The following IRAG2 variants were observed in gnomAD, a reference collection of about 807,000 sequenced individuals.
The protein encoded by IRAG2 is lymphoid restricted membrane protein.
IRAG2 carries 45 observed loss-of-function variants against 69.9 expected under a neutral mutation model. The ratio of observed to expected loss-of-function variants is 0.64; its 90% CI spans 0.51 to 0.83. The LOEUF (loss-of-function observed/expected upper bound fraction) is 0.83, where lower values mean the gene tolerates loss of function less well. Ranked by LOEUF, IRAG2 falls within the 40% of genes least tolerant of loss-of-function variation. IRAG2 has a pLI of 0.00. For missense variants in IRAG2, 520 were observed against 587.0 expected (o/e 0.89, Z 1.18); for synonymous variants, 193 against 202.4 (o/e 0.95, Z 0.40).
chr12:24,998,733 A>G, the IRAG2 span, among the ~76,000 whole-genome samples: 1 of 152,178 alleles, frequency 6.6e-6, no homozygotes, highest in Non-Finnish European at 1.5e-5. Context: ...TTAATTACCA[A>G]TAGGATCTCA....
chr12:25,015,541 G>C (rs1944520636), intron 5 of IRAG2: 1 of 572,092 alleles, frequency 1.7e-6, no homozygotes, highest in African/African-American at 1.9e-5. Context: ...TTTTGCAGTA[G>C]AGCTAGCATA....
chr12:25,082,035 C>T (rs921428247), intron 9 of IRAG2, among the ~76,000 whole-genome samples: 9 of 151,934 alleles, frequency 5.9e-5, no homozygotes, highest in South Asian at 2.1e-4. Context: ...GTTGGGACTA[C>T]GGGTGCAAGC....
At chr12:25,036,753 A>G (rs1008684577) in intron 15 of IRAG2, 13 of 397,774 alleles carry the variant, frequency 3.3e-5, no homozygotes, top group Admixed American at 8.8e-5. Flanking sequence ...GTAATAGTAT[A>G]TACAGTACCA....
chr12:25,062,589 C>G (rs73282874), intron 2 of IRAG2, among the ~76,000 whole-genome samples: 2,429 of 152,304 alleles, frequency 0.016, 61 homozygotes, highest in African/African-American at 0.053. Context: ...CAAAGCCATT[C>G]AGTTTCTTGT....
At chr12:25,000,209 G>T (rs913007058), upstream of IRAG2, among the ~76,000 whole-genome samples, 1 of 152,198 alleles carries the variant, frequency 6.6e-6, no homozygotes, top group African/African-American at 2.4e-5. Context: ...ACTTTGGGAG[G>T]CTGTGTTGGG....
Position 25,108,324 on chromosome 12 carries a change from T to C in IRAG2, c.*264T>C, listed in dbSNP as rs567144750. ...TAAAGTTTATTGAAATAAAGAATCA[T>C]TTAAATCTTCATAGAGTGAAAGCTG... On this transcript the variant is annotated 3_prime_UTR_variant, in exon 22 of 22. Transcript: ENST00000556887. 1.1e-5 allele frequency: 6 copies of C among 545,332 alleles called. No individual in the cohort carries two copies. The East Asian group carries it at 1.8e-4, about 16-fold the overall frequency. 33.8% of individuals were successfully genotyped at this position (545,332 alleles called of 1,614,324 possible).
intron 6 of IRAG2, among the ~76,000 whole-genome samples, chr12:25,077,209 G>GATAT (rs376784693): frequency 3.0e-5 from 1 of 33,722 alleles, no homozygotes; most frequent in African/African-American, 8.2e-5. Context: ...ATATATATAT[G>GATAT]ATATATATGA....
intron 9 of IRAG2, among the ~76,000 whole-genome samples, chr12:25,080,889 G>C (rs1052185684): frequency 2.0e-5 from 3 of 152,154 alleles, no homozygotes; most frequent in African/African-American, 7.2e-5. Context: ...TGTTGGTAAA[G>C]TTGTAAGAAC....
chr12:25,023,388 G>T (rs1259733666), intron 7 of IRAG2, among the ~76,000 whole-genome samples: 1 of 151,746 alleles, frequency 6.6e-6, no homozygotes, highest in Non-Finnish European at 1.5e-5. Flanking sequence ...CAAATAGCCT[G>T]TCCTGAAATA....
intron 15 of IRAG2, among the ~76,000 whole-genome samples, chr12:25,099,021 A>C (rs892841839): frequency 2.6e-5 from 4 of 152,220 alleles, no homozygotes; most frequent in East Asian, 3.9e-4. Flanking sequence ...GGCTTCCTGC[A>C]GTTCTACCCC....
intron 10 of IRAG2, among the ~76,000 whole-genome samples, chr12:25,030,509 C>A (rs963867475): frequency 7.2e-5 from 11 of 152,156 alleles, no homozygotes; most frequent in African/African-American, 2.7e-4. Flanking sequence ...GCCTCAGCCT[C>A]CTGAGTAGCT....
intron 13 of IRAG2, chr12:25,035,423 T>A: frequency 2.9e-6 from 1 of 350,554 alleles, no homozygotes; most frequent in Non-Finnish European, 5.1e-6. Context: ...CATGTAAATG[T>A]CATCTATTGA....
At chr12:25,056,076 A>T (rs1591955947) in intron 1 of IRAG2, among the ~76,000 whole-genome samples, 1 of 152,272 alleles carries the variant, frequency 6.6e-6, no homozygotes, top group East Asian at 1.9e-4. Context: ...TGAACTTCCT[A>T]GTTTAGAGGA....
intron 3 of IRAG2, chr12:25,011,585 T>A (rs1451560191): frequency 1.0e-5 from 12 of 1,184,530 alleles, no homozygotes; most frequent in Non-Finnish European, 1.3e-5. Flanking sequence ...CAGTTTAAGG[T>A]TCTATTTTAA....
Position 25,102,249 on chromosome 12 carries a change from C to T in IRAG2, c.933+8C>T, listed in dbSNP as rs369693876. The T allele has an allele frequency of 6.2e-6, 10 of 1,609,068 alleles. No homozygotes were observed. The highest frequency in any genetic ancestry group is 6.0e-6 in the Non-Finnish European group (7 of 1,176,426). ...GCTTCTCTAAACTCCAAGGTAATTA[C>T]TAATTCACTTAACAAATGTCTAGCA... On this transcript the variant is annotated splice_region_variant and intron_variant, in intron 17 of 21. Transcript: ENST00000556887.
chr12:25,009,540 A>C (rs562376727), intron 2 of IRAG2, among the ~76,000 whole-genome samples: 30 of 152,314 alleles, frequency 2.0e-4, no homozygotes, highest in Admixed American at 5.9e-4. Flanking sequence ...TGGTGGGAAG[A>C]GATATTTATA....
At chr12:25,029,899 A>G (rs1228780096) in intron 9 of IRAG2, among the ~76,000 whole-genome samples, 3 of 152,172 alleles carry the variant, frequency 2.0e-5, no homozygotes, top group Non-Finnish European at 4.4e-5. Flanking sequence ...TGGAATCTCT[A>G]TGTTCATATT....
chr12:25,095,472 C>T (rs1336676337), intron 14 of IRAG2, among the ~76,000 whole-genome samples: 2 of 151,860 alleles, frequency 1.3e-5, no homozygotes, highest in Non-Finnish European at 2.9e-5. Flanking sequence ...GTTAAACCAC[C>T]CTAACATTAT....
intron 17 of IRAG2, chr12:25,102,579 G>C: frequency 3.9e-6 from 1 of 254,518 alleles, no homozygotes; most frequent in Non-Finnish European, 7.6e-6. Context: ...CTCAGCCCTT[G>C]GCTTCTGCCT....
Sources: allele counts gnomAD v4.1 joint callset (sites outside exome capture counted in the v4.1 genomes callset), GRCh38; gene constraint gnomAD v4.1.1; transcripts MANE v1.5; gene names NCBI Gene and HGNC (gene_info 2026-07-23, HGNC 2026-07-21).